PXMP2: variants seen among roughly 807,000 people sequenced by gnomAD.
PXMP2 encodes peroxisomal membrane protein 2, also known as 22 kDa peroxisomal membrane protein.
Under a neutral mutation model 20.2 loss-of-function variants are expected in PXMP2, and 13 were observed. The observed-to-expected ratio is 0.64, with a 90% confidence interval of 0.42 to 1.02. The LOEUF (loss-of-function observed/expected upper bound fraction) is 1.02, where lower values mean the gene tolerates loss of function less well. Ranked by LOEUF, PXMP2 falls within the 50% of genes least tolerant of loss-of-function variation. The pLI, the probability that PXMP2 is intolerant of heterozygous loss-of-function variation, is 0.00. For synonymous variants in PXMP2, 113 were observed against 111.2 expected (o/e 1.02, Z -0.10); for missense variants, 284 against 251.8 (o/e 1.13, Z -0.87).
At chr12:132,690,468 G>A in intron 2 of PXMP2, 92 bp downstream of exon 2, 1 of 935,898 alleles carries the variant, frequency 1.1e-6, no homozygotes, top group Non-Finnish European at 1.6e-6. Flanking sequence ...ACTCTTATTT[G>A]GAAATATAAT....
intron 2 of PXMP2, among the ~76,000 whole-genome samples, chr12:132,691,051 A>ATT (rs35869908): frequency 1.1e-4 from 15 of 133,754 alleles, no homozygotes; most frequent in Non-Finnish European, 8.0e-5. Context: ...TGTTATTTTA[A>ATT]TTTTTTTTTT....
intron 4 of PXMP2, 141 bp from the exon 5 acceptor site, chr12:132,704,478 G>T: frequency 1.8e-6 from 1 of 558,538 alleles, no homozygotes; most frequent in Non-Finnish European, 2.9e-6. Flanking sequence ...TACGAACAAA[G>T]GCTCAGTAAA....
intron 2 of PXMP2, among the ~76,000 whole-genome samples, chr12:132,693,863 TTAGTGAGCTCCCTTAGCCAGTTAGA>T (rs2043389604): frequency 1.1e-5 from 1 of 90,402 alleles, no homozygotes; most frequent in African/African-American, 4.1e-5. Flanking sequence ...TGCCAGTTAG[TTAGTGAGCTCCCTTAGCCAGTTAGA>T]TAGTGAGCGC....
chr12:132,703,534 A>G (rs138702887), intron 4 of PXMP2, among the ~76,000 whole-genome samples: 128 of 152,282 alleles, frequency 8.4e-4, no homozygotes, highest in African/African-American at 3.0e-3. Flanking sequence ...GGAGAGAGAA[A>G]GTGACAGCTG....
chr12:132,704,177 G>A (rs2043457708), intron 4 of PXMP2, among the ~76,000 whole-genome samples: 1 of 152,172 alleles, frequency 6.6e-6, no homozygotes, highest in Non-Finnish European at 1.5e-5. Context: ...GGGTGAAGCT[G>A]CTGAGTCACC....
chr12:132,692,261 T>G (rs149921631), intron 2 of PXMP2, among the ~76,000 whole-genome samples: 21 of 149,206 alleles, frequency 1.4e-4, no homozygotes, highest in Middle Eastern at 3.7e-3. Context: ...GCCAGTTAGT[T>G]AGTGAGCTCC....
chr12:132,689,743 G>A (rs1374507526), intron 1 of PXMP2, among the ~76,000 whole-genome samples: 5 of 152,148 alleles, frequency 3.3e-5, no homozygotes, highest in Non-Finnish European at 5.9e-5. Flanking sequence ...GACTAACATG[G>A]AGAGATTCCT....
chr12:132,695,785 G>A (rs1444341050), intron 2 of PXMP2, 99 bp from the exon 3 acceptor site: 2 of 1,303,578 alleles, frequency 1.5e-6, no homozygotes, highest in Non-Finnish European at 2.1e-6. Context: ...GGGACATCAG[G>A]AAGCAGGGGT....
At chr12:132,701,090 C>A (rs2043437100) in intron 3 of PXMP2, among the ~76,000 whole-genome samples, 160 bp from the exon 4 acceptor site, 2 of 152,154 alleles carry the variant, frequency 1.3e-5, no homozygotes, top group Admixed American at 1.3e-4. Context: ...CTGGTTGGCT[C>A]CTTAGAGCCG....
chr12:132,703,839 G>C lies in PXMP2; in HGVS notation c.520-780G>C, dbSNP rs1278841894. Among the ~76,000 whole-genome samples, 5 of 152,164 alleles carry C rather than the reference G, an allele frequency of 3.3e-5. No individual in the cohort carries two copies. The East Asian group carries it at 9.6e-4, about 29-fold the overall frequency. On this transcript the variant is annotated intron_variant, in intron 4 of 4. Transcript: ENST00000317479. ...AGAACAGTAGGCTAAGGAAGCTACA[G>C]CCATGGGCCACTGGTTCTCGGGAAT...
chr12:132,694,011 T>G (rs1431440976), intron 2 of PXMP2, among the ~76,000 whole-genome samples: 2 of 91,986 alleles, frequency 2.2e-5, no homozygotes, highest in African/African-American at 3.5e-5. Context: ...GTTAGTGAGC[T>G]CCCTTAGCCA....
intron 4 of PXMP2, among the ~76,000 whole-genome samples, chr12:132,703,585 G>A (rs988055411): frequency 2.6e-5 from 4 of 152,176 alleles, no homozygotes; most frequent in African/African-American, 7.2e-5. Flanking sequence ...AAGCCCCCAC[G>A]TGCCTCTCTG....
chr12:132,700,334 A>G (rs111917314), intron 3 of PXMP2, among the ~76,000 whole-genome samples: 104 of 152,184 alleles, frequency 6.8e-4, no homozygotes, highest in African/African-American at 2.4e-3. Context: ...GTCATGAGCC[A>G]CCGCGCCTGG....
Position 132,687,638 on chromosome 12 carries a change from C to T in PXMP2, c.-33C>T. On this transcript the variant is annotated 5_prime_UTR_variant, in exon 1 of 5. Transcript: ENST00000317479. ...GCGCCCGGCCAGCCTGAGGTGGGGT[C>T]GGTGCCCCCGGCGGCACGGCGCTGG... The T allele has an allele frequency of 3.5e-6, 4 of 1,155,132 alleles. No individual in the cohort carries two copies. The highest frequency in any genetic ancestry group is 4.3e-6 in the Non-Finnish European group (4 of 939,948). 71.6% of individuals were successfully genotyped at this position (1,155,132 alleles called of 1,614,324 possible).
intron 1 of PXMP2, among the ~76,000 whole-genome samples, chr12:132,689,280 G>C (rs1340284330): frequency 6.6e-6 from 1 of 150,672 alleles, no homozygotes; most frequent in Non-Finnish European, 1.5e-5. Context: ...CCAAGGGAGC[G>C]AGTCTGCGGG....
At position 132,704,663 on chromosome 12, in the gene PXMP2, C is replaced by T; in HGVS notation, c.564C>T (p.Ala188=). 6.5e-7 allele frequency: 1 copy of T among 1,545,342 alleles called. No individual in the cohort carries two copies. Among genetic ancestry groups the T allele is most frequent in the South Asian group, 1.2e-5 (1 of 81,390 alleles). ...FANLAALFWY[A]YLASLGK ...ACCTGGCAGCTCTGTTCTGGTATGC[C>T]TACCTGGCCTCCTTGGGGAAGTGAC... The change falls in exon 5 of 5, where the codon GCC becomes GCT. Residue 188 remains alanine (A), a synonymous_variant. Transcript: ENST00000317479.
rs777528967 is a variant in PXMP2 at position 132,695,992 on chromosome 12, C to T, written c.345C>T (p.Leu115=). The T allele has an allele frequency of 1.6e-5, 25 of 1,612,038 alleles. No individual in the cohort carries two copies. In the South Asian group the frequency reaches 2.2e-4, roughly 14 times the overall value. Residue 115 remains leucine, a synonymous_variant, in exon 3 of 5, where the codon CTC becomes CTT. Coordinates refer to ENST00000317479, the MANE Select transcript of PXMP2 (RefSeq NM_018663.3). The part of the protein sequence containing the change: ...AGLRRLLLDR[L]VFAPAFLMLF... ...TCAGGAGGCTTCTCCTGGACCGCCTCGTCTTTGCACCGGCCTTCCTCATGT... is the reference window on the plus strand; with the variant it reads ...TCAGGAGGCTTCTCCTGGACCGCCTTGTCTTTGCACCGGCCTTCCTCATGT...
At chr12:132,701,582 A>AT (rs2043442317) in intron 4 of PXMP2, 4 of 625,082 alleles carry the variant, frequency 6.4e-6, no homozygotes, top group African/African-American at 1.9e-5. Context: ...CTAGTTCGGG[A>AT]TTCAGGAAGC....
intron 3 of PXMP2, 40 bp from the exon 4 acceptor site, chr12:132,701,210 G>T (rs756499418): frequency 1.9e-6 from 3 of 1,611,376 alleles, no homozygotes; most frequent in East Asian, 4.5e-5. Context: ...GTTCTGATGG[G>T]CAGTGAGACT....
Sources: gnomAD v4.1 joint callset for allele counts (sites outside exome capture counted in the v4.1 genomes callset) on GRCh38, gnomAD v4.1.1 for gene constraint, MANE v1.5 for transcripts, NCBI Gene and HGNC (gene_info 2026-07-23, HGNC 2026-07-21) for gene names.